PTPRZ1: variants seen among roughly 807,000 people sequenced by gnomAD.
The protein encoded by PTPRZ1 is protein tyrosine phosphatase receptor type Z1.
In PTPRZ1, 82 loss-of-function variants were observed where a neutral mutation model predicts 214.1. That is an observed-to-expected ratio of 0.38 (90% CI 0.32 to 0.46). The LOEUF (loss-of-function observed/expected upper bound fraction) is 0.46, where lower values mean the gene tolerates loss of function less well. PTPRZ1 is among the 20% of genes least tolerant of loss of function. The pLI is 1.00. For synonymous variants in PTPRZ1, 945 were observed against 987.9 expected (o/e 0.96, Z 0.81); for missense variants, 2,603 against 2,748.7 (o/e 0.95, Z 1.19).
chr7:121,942,352 A>T (rs563004193), intron 2 of PTPRZ1, among the ~76,000 whole-genome samples: 3 of 152,350 alleles, frequency 2.0e-5, no homozygotes, highest in African/African-American at 7.2e-5. Flanking sequence ...AGAAAAGTTC[A>T]TCTTTAGAGA....
chr7:121,929,818 T>A (rs13311787), intron 2 of PTPRZ1, among the ~76,000 whole-genome samples: 5 of 123,784 alleles, frequency 4.0e-5, no homozygotes, highest in Non-Finnish European at 6.5e-5. Context: ...AAAAAAAAAA[T>A]AAAAATAAAA....
intron 2 of PTPRZ1, among the ~76,000 whole-genome samples, chr7:121,967,709 G>A (rs1797085959): frequency 6.6e-6 from 1 of 152,090 alleles, no homozygotes; most frequent in Non-Finnish European, 1.5e-5. Flanking sequence ...CCAAACCTTG[G>A]TTGTTGTTCT....
chr7:121,917,430 CA>C (rs1230937184), intron 1 of PTPRZ1, among the ~76,000 whole-genome samples: 1 of 152,062 alleles, frequency 6.6e-6, no homozygotes, highest in Non-Finnish European at 1.5e-5. Context: ...GACTAAGAAT[CA>C]GATAGCATCA....
At chr7:122,048,520 G>T (rs1037785349) in intron 23 of PTPRZ1, among the ~76,000 whole-genome samples, 7 of 152,080 alleles carry the variant, frequency 4.6e-5, no homozygotes, top group Non-Finnish European at 1.0e-4. Flanking sequence ...ACAAAGAAAG[G>T]TTAAATGCTT....
At chr7:122,047,758 C>T (rs1279594198) in intron 23 of PTPRZ1, among the ~76,000 whole-genome samples, 1 of 151,858 alleles carries the variant, frequency 6.6e-6, no homozygotes, top group Non-Finnish European at 1.5e-5. Context: ...AACTGATCCT[C>T]CTACCTCAGC....
chr7:121,925,212 C>T (rs1365371107), intron 1 of PTPRZ1, among the ~76,000 whole-genome samples: 1 of 152,158 alleles, frequency 6.6e-6, no homozygotes. Context: ...ACTGTTAAGT[C>T]TCAGTCAGTA....
rs368097522 is a variant in PTPRZ1 at position 121,972,413 on chromosome 7, G to A, written c.305-128G>A. On this transcript the variant is annotated intron_variant, in intron 3 of 29. Transcript: ENST00000393386. ...TACAAAGTTTGGCTTCCAAAATGGCGACTTCATATTTTGTAAATTTATCAA... is the reference window on the plus strand; with the variant it reads ...TACAAAGTTTGGCTTCCAAAATGGCAACTTCATATTTTGTAAATTTATCAA... 237 of 958,154 alleles carry A rather than the reference G, an allele frequency of 2.5e-4. 1 individual carries two copies. In the African/African-American group the frequency reaches 2.6e-3, roughly 11 times the overall value. 59.4% of individuals were successfully genotyped at this position (958,154 alleles called of 1,614,324 possible). A position where few individuals can be genotyped will look rare whatever the true frequency, so the allele number is the denominator to read the frequency against.
At chr7:122,036,713 A>T (rs745809774) in intron 18 of PTPRZ1, 31 bp downstream of exon 18, 1 of 1,441,260 alleles carries the variant, frequency 6.9e-7, no homozygotes, top group Admixed American at 1.7e-5. Flanking sequence ...AATTTTATAG[A>T]AATCATATTA....
At chr7:121,953,389 T>TAGA (rs1173282158) in intron 2 of PTPRZ1, among the ~76,000 whole-genome samples, 1 of 152,184 alleles carries the variant, frequency 6.6e-6, no homozygotes, top group Admixed American at 6.5e-5. Flanking sequence ...TGGGAAAAGG[T>TAGA]AGATGAATGG....
chr7:122,000,021 A>G (rs1798271166), intron 10 of PTPRZ1, among the ~76,000 whole-genome samples: 2 of 152,140 alleles, frequency 1.3e-5, no homozygotes. Flanking sequence ...CATTTTGTAT[A>G]GTAATGATGT....
At chr7:122,006,637 A>G (rs1227955665) in intron 11 of PTPRZ1, among the ~76,000 whole-genome samples, 1 of 152,056 alleles carries the variant, frequency 6.6e-6, no homozygotes, top group African/African-American at 2.4e-5. Context: ...TGACAAACAC[A>G]AGCAGATCTT....
chr7:121,880,548 C>T (rs960894788), intron 1 of PTPRZ1, among the ~76,000 whole-genome samples: 78 of 152,202 alleles, frequency 5.1e-4, no homozygotes, highest in African/African-American at 1.9e-3. Context: ...GGATGGGTCT[C>T]ACTATGAGCT....
chr7:121,878,795 G>T (rs1426891737), intron 1 of PTPRZ1, among the ~76,000 whole-genome samples: 3 of 152,202 alleles, frequency 2.0e-5, no homozygotes, highest in Admixed American at 2.0e-4. Flanking sequence ...GAAAAATTCA[G>T]TCAACATTGC....
intron 1 of PTPRZ1, among the ~76,000 whole-genome samples, chr7:121,921,914 T>G (rs1322881816): frequency 1.3e-5 from 2 of 152,188 alleles, no homozygotes; most frequent in Non-Finnish European, 1.5e-5. Flanking sequence ...ATTAGCTAAA[T>G]TAGGTTTCAT....
intron 18 of PTPRZ1, among the ~76,000 whole-genome samples, chr7:122,038,207 T>G (rs1799606122): frequency 2.0e-5 from 3 of 152,112 alleles, no homozygotes; most frequent in Admixed American, 2.0e-4. Flanking sequence ...AAGATGAGAT[T>G]TGGGTGGGAA....
chr7:121,919,627 C>T (rs1795531200), intron 1 of PTPRZ1, among the ~76,000 whole-genome samples: 1 of 151,726 alleles, frequency 6.6e-6, no homozygotes, highest in Non-Finnish European at 1.5e-5. Context: ...TTCTTTATTC[C>T]ACTTGTAATT....
intron 10 of PTPRZ1, among the ~76,000 whole-genome samples, chr7:122,004,365 G>T (rs986483985): frequency 2.6e-5 from 4 of 152,094 alleles, no homozygotes; most frequent in Admixed American, 6.6e-5. Flanking sequence ...AATGGGGAAG[G>T]GAGTGGAGTG....
intron 13 of PTPRZ1, among the ~76,000 whole-genome samples, chr7:122,022,221 T>C (rs1240428924): frequency 2.0e-5 from 3 of 152,220 alleles, no homozygotes; most frequent in African/African-American, 7.2e-5. Context: ...CTTTTTAAAG[T>C]GTATGATTCA....
intron 2 of PTPRZ1, among the ~76,000 whole-genome samples, chr7:121,936,701 C>G (rs1463591329): frequency 6.6e-6 from 1 of 152,094 alleles, no homozygotes; most frequent in Non-Finnish European, 1.5e-5. Context: ...AAACACTAAC[C>G]CCATCAGATG....
Sources: allele counts gnomAD v4.1 joint callset (sites outside exome capture counted in the v4.1 genomes callset), GRCh38; gene constraint gnomAD v4.1.1; transcripts MANE v1.5; gene names NCBI Gene and HGNC (gene_info 2026-07-23, HGNC 2026-07-21).